Variants in GRIN2B observed in about 807,000 individuals in gnomAD.
GRIN2B encodes the protein glutamate receptor ionotropic, NMDA 2B.
Under a neutral mutation model 114.5 loss-of-function variants are expected in GRIN2B, and 5 were observed. The ratio of observed to expected loss-of-function variants is 0.04; its 90% CI spans 0.02 to 0.09. The LOEUF (loss-of-function observed/expected upper bound fraction) is 0.09, where lower values mean the gene tolerates loss of function less well. Ranked by LOEUF, GRIN2B falls within the 10% of genes least tolerant of loss-of-function variation. GRIN2B has a pLI of 1.00. For missense variants in GRIN2B, 1,108 were observed against 1,943.5 expected, an observed-to-expected ratio of 0.57 and a Z score of 8.08; for synonymous variants, 787 against 745.1, an observed-to-expected ratio of 1.06 and a Z score of -0.92.
At chr12:13,803,074 T>C (rs1036198507) in intron 3 of GRIN2B, among the ~76,000 whole-genome samples, 7 of 152,172 alleles carry the variant, frequency 4.6e-5, no homozygotes, top group African/African-American at 1.7e-4. Flanking sequence ...ACTTAATGAA[T>C]AGTAAATGTA....
intron 1 of GRIN2B, among the ~76,000 whole-genome samples, 163 bp from the exon 2 acceptor site, chr12:13,980,519 G>T (rs570021867): frequency 6.6e-6 from 1 of 152,098 alleles, no homozygotes; most frequent in Admixed American, 6.5e-5. Context: ...AGCTGGTACC[G>T]GTCTATAAAT....
At chr12:13,570,459 G>A (rs533830204) in intron 11 of GRIN2B, among the ~76,000 whole-genome samples, 2 of 152,286 alleles carry the variant, frequency 1.3e-5, no homozygotes, top group East Asian at 3.9e-4. Context: ...TTCAATAGAT[G>A]TGCAATGCTA....
chr12:13,761,611 A>G (rs1863681820), intron 3 of GRIN2B, among the ~76,000 whole-genome samples: 1 of 152,206 alleles, frequency 6.6e-6, no homozygotes, highest in Non-Finnish European at 1.5e-5. Flanking sequence ...AATCTTAACA[A>G]GACTCTTTCA....
intron 10 of GRIN2B, among the ~76,000 whole-genome samples, chr12:13,607,269 A>G (rs1949272766): frequency 3.6e-5 from 1 of 27,674 alleles, no homozygotes; most frequent in African/African-American, 1.3e-4. Context: ...TATATAATAT[A>G]TAAAATATAT....
At chr12:13,719,325 C>A (rs990920620) in intron 4 of GRIN2B, among the ~76,000 whole-genome samples, 9 of 152,024 alleles carry the variant, frequency 5.9e-5, no homozygotes, top group African/African-American at 2.2e-4. Context: ...TAAGTGTAAA[C>A]CTACTCCTTA....
intron 5 of GRIN2B, among the ~76,000 whole-genome samples, chr12:13,618,783 G>A (rs956375630): frequency 6.6e-6 from 1 of 152,160 alleles, no homozygotes; most frequent in Non-Finnish European, 1.5e-5. Context: ...GAAGTTGTTG[G>A]TATTAAGAGC....
chr12:13,565,450 A>G (rs995991736), intron 13 of GRIN2B, among the ~76,000 whole-genome samples: 6 of 152,216 alleles, frequency 3.9e-5, no homozygotes, highest in African/African-American at 1.4e-4. Context: ...TCAATAATTA[A>G]CATCTTAACA....
At chr12:13,839,305 G>A (rs748443219) in intron 3 of GRIN2B, among the ~76,000 whole-genome samples, 11 of 152,196 alleles carry the variant, frequency 7.2e-5, no homozygotes, top group Admixed American at 6.5e-5. Flanking sequence ...AGAAGTACCT[G>A]AATGAGAGTG....
intron 5 of GRIN2B, among the ~76,000 whole-genome samples, chr12:13,649,986 G>A (rs1294574474): frequency 3.9e-5 from 6 of 152,150 alleles, no homozygotes; most frequent in African/African-American, 1.2e-4. Context: ...CAGAAGCTTC[G>A]GAGGTGTTCA....
At chr12:13,846,294 C>T (rs181051762) in intron 3 of GRIN2B, among the ~76,000 whole-genome samples, 3 of 152,158 alleles carry the variant, frequency 2.0e-5, no homozygotes, top group Non-Finnish European at 4.4e-5. Context: ...CCCTAAAAAG[C>T]GAGTAGCAGC....
intron 3 of GRIN2B, among the ~76,000 whole-genome samples, chr12:13,784,310 AG>A (rs1250683097): frequency 6.6e-6 from 1 of 150,658 alleles, no homozygotes; most frequent in Non-Finnish European, 1.5e-5. Context: ...CCTGCTAAAT[AG>A]GAAGCTTCCT....
At chr12:13,569,348 C>A (rs1327529950) in intron 12 of GRIN2B, among the ~76,000 whole-genome samples, 1 of 152,100 alleles carries the variant, frequency 6.6e-6, no homozygotes, top group Non-Finnish European at 1.5e-5. Flanking sequence ...GTATGGTGAA[C>A]CCCTAATCTA....
At chr12:13,585,402 T>A (rs1948906324) in intron 10 of GRIN2B, among the ~76,000 whole-genome samples, 1 of 152,132 alleles carries the variant, frequency 6.6e-6, no homozygotes. Context: ...CCAGCATGTG[T>A]ACTTACTGTC....
intron 10 of GRIN2B, among the ~76,000 whole-genome samples, chr12:13,592,131 G>A (rs916430333): frequency 2.0e-5 from 3 of 152,154 alleles, no homozygotes; most frequent in African/African-American, 7.2e-5. Context: ...TCTAGTGGAG[G>A]GTGACGGGTG....
At chr12:13,672,947 A>G (rs1434201770) in intron 5 of GRIN2B, among the ~76,000 whole-genome samples, 1 of 152,188 alleles carries the variant, frequency 6.6e-6, no homozygotes, top group African/African-American at 2.4e-5. Flanking sequence ...TTATGTAATG[A>G]TTCTCATACA....
At chr12:13,830,810 G>A (rs1053757654) in intron 3 of GRIN2B, among the ~76,000 whole-genome samples, 1 of 152,166 alleles carries the variant, frequency 6.6e-6, no homozygotes, top group African/African-American at 2.4e-5. Context: ...AGGAAATAAG[G>A]CCTAACAGGA....
At chr12:13,906,735 G>A (rs1305202587) in intron 2 of GRIN2B, among the ~76,000 whole-genome samples, 1 of 152,162 alleles carries the variant, frequency 6.6e-6, no homozygotes, top group Non-Finnish European at 1.5e-5. Context: ...AACTGCTCTA[G>A]CAATGTCATT....
intron 5 of GRIN2B, among the ~76,000 whole-genome samples, chr12:13,621,510 C>G (rs192784291): frequency 2.7e-5 from 4 of 150,268 alleles, no homozygotes; most frequent in African/African-American, 9.8e-5. Context: ...TTCACAACAT[C>G]TGTCTACAAA....
intron 10 of GRIN2B, among the ~76,000 whole-genome samples, chr12:13,576,261 A>G (rs1591615077): frequency 2.0e-5 from 3 of 152,188 alleles, no homozygotes; most frequent in African/African-American, 7.2e-5. Context: ...TAATTTCCAA[A>G]TATCCTGATG....
Sources: gnomAD v4.1 joint callset for allele counts (sites outside exome capture counted in the v4.1 genomes callset) on GRCh38, gnomAD v4.1.1 for gene constraint, MANE v1.5 for transcripts, NCBI Gene and HGNC (gene_info 2026-07-23, HGNC 2026-07-21) for gene names.